The following EHBP1 variants were observed in gnomAD, a reference collection of about 807,000 sequenced individuals.
EHBP1 encodes the protein EH domain binding protein 1.
EHBP1 carries 55 observed loss-of-function variants against 144.0 expected under a neutral mutation model. That is an observed-to-expected ratio of 0.38 (90% CI 0.31 to 0.48). EHBP1 has a LOEUF of 0.48. Ranked by LOEUF, EHBP1 falls within the 20% of genes least tolerant of loss-of-function variation. EHBP1 has a pLI of 0.98. For synonymous variants in EHBP1, 469 were observed against 472.7 expected (o/e 0.99, Z 0.10); for missense variants, 1,200 against 1,364.2 (o/e 0.88, Z 1.90).
intron 2 of EHBP1, among the ~76,000 whole-genome samples, chr2:62,744,517 C>T (rs1031291514): frequency 6.6e-6 from 1 of 152,084 alleles, no homozygotes; most frequent in Non-Finnish European, 1.5e-5. Context: ...TATTTTAGAA[C>T]ACTGCCTCAG....
chr2:62,698,313 T>C (rs2034170509), intron 1 of EHBP1, among the ~76,000 whole-genome samples: 1 of 152,208 alleles, frequency 6.6e-6, no homozygotes, highest in African/African-American at 2.4e-5. Flanking sequence ...TTTTCCACAC[T>C]GAAGTATGCT....
chr2:62,902,567 T>A (rs2053500168), intron 10 of EHBP1, among the ~76,000 whole-genome samples: 1 of 152,116 alleles, frequency 6.6e-6, no homozygotes, highest in Non-Finnish European at 1.5e-5. Context: ...TAAAGGGGTA[T>A]CGTTAGGAAA....
chr2:62,824,505 A>G (rs1160340712), intron 5 of EHBP1, among the ~76,000 whole-genome samples: 1 of 151,976 alleles, frequency 6.6e-6, no homozygotes, highest in Admixed American at 6.6e-5. Context: ...TCTTTGATTG[A>G]CAGTAGCAAC....
intron 10 of EHBP1, among the ~76,000 whole-genome samples, chr2:62,914,515 T>G (rs2054459002): frequency 1.3e-5 from 2 of 152,092 alleles, no homozygotes; most frequent in African/African-American, 4.8e-5. Context: ...GGTTTTATTT[T>G]GAAATGTATA....
intron 1 of EHBP1, among the ~76,000 whole-genome samples, chr2:62,692,385 G>T (rs2033936435): frequency 6.6e-6 from 1 of 152,100 alleles, no homozygotes; most frequent in Admixed American, 6.5e-5. Flanking sequence ...CTTCTCTTTG[G>T]TATTTACCTA....
intron 10 of EHBP1, among the ~76,000 whole-genome samples, chr2:62,896,275 C>T (rs1010434736): frequency 2.0e-5 from 3 of 151,854 alleles, no homozygotes; most frequent in Non-Finnish European, 2.9e-5. Context: ...TTTAAAGAAT[C>T]GAAAAAAGGC....
chr2:63,016,127 A>G (rs559052565), intron 19 of EHBP1, among the ~76,000 whole-genome samples: 4 of 152,194 alleles, frequency 2.6e-5, no homozygotes, highest in Non-Finnish European at 4.4e-5. Flanking sequence ...TTTATATCTG[A>G]AAATTTTCTA....
chr2:62,879,553 A>ACACG (rs2051197687), intron 10 of EHBP1, among the ~76,000 whole-genome samples: 1 of 138,188 alleles, frequency 7.2e-6, no homozygotes, highest in African/African-American at 2.8e-5. Flanking sequence ...AATAACACAC[A>ACACG]CACACACACA....
chr2:62,917,398 A>ACAT lies in EHBP1; in HGVS notation c.1186-25319_1186-25317dup, dbSNP rs371262497. Among the ~76,000 whole-genome samples the ACAT allele has an allele frequency of 7.7e-4, 117 of 152,228 alleles. 1 individual carries two copies. The highest frequency in any genetic ancestry group is 2.5e-3 in the South Asian group (12 of 4,824). ...TATATGTAATCTGTCATTGACTGAA[A>ACAT]CATTATGCAGTACGTGACTATGTAT... is the stretch of plus-strand genomic sequence containing the variant. On this transcript the variant is annotated intron_variant, in intron 10 of 22. Coordinates refer to ENST00000431489, the MANE Select transcript of EHBP1 (RefSeq NM_001142616.3).
intron 6 of EHBP1, among the ~76,000 whole-genome samples, chr2:62,830,616 G>T (rs1260809662): frequency 2.0e-5 from 3 of 152,130 alleles, no homozygotes; most frequent in Non-Finnish European, 4.4e-5. Flanking sequence ...CTCTGCTGAT[G>T]ATTTCTTTTG....
rs1256054771 is a variant in EHBP1, at chr2:62,919,457, C to A, written c.1186-23261C>A. ...AGACCTGAGATGATTTTAGTTTGTA[C>A]CTCAGACTAATCCTCAGTACAGGAA... On this transcript the variant is annotated intron_variant, in intron 10 of 22. Transcript: ENST00000431489. 2.0e-5 allele frequency among the ~76,000 whole-genome samples: 3 copies of A among 152,102 alleles called. 1 individual carries two copies. Among genetic ancestry groups the A allele is most frequent in the Non-Finnish European group, 4.4e-5 (3 of 68,008 alleles).
intron 7 of EHBP1, among the ~76,000 whole-genome samples, chr2:62,850,977 G>C (rs1201715172): frequency 2.0e-5 from 3 of 152,164 alleles, no homozygotes; most frequent in Non-Finnish European, 4.4e-5. Flanking sequence ...TAATAGCCCA[G>C]TCTCAGTTGC....
intron 7 of EHBP1, among the ~76,000 whole-genome samples, chr2:62,835,068 C>T (rs1034894583): frequency 1.3e-5 from 2 of 152,128 alleles, no homozygotes; most frequent in Non-Finnish European, 2.9e-5. Flanking sequence ...TTTAATGCCT[C>T]TTGCCTTGAA....
chr2:62,996,594 G>A (rs1000463324), intron 18 of EHBP1, 49 bp from the exon 19 acceptor site: 33 of 1,609,574 alleles, frequency 2.1e-5, no homozygotes, highest in Non-Finnish European at 2.7e-5. Flanking sequence ...AAGGAAAAAT[G>A]CAACTTACAA....
chr2:62,715,793 G>A (rs1012850499), intron 2 of EHBP1, among the ~76,000 whole-genome samples: 9 of 152,236 alleles, frequency 5.9e-5, no homozygotes, highest in African/African-American at 1.9e-4. Flanking sequence ...TCATCAGGTT[G>A]CTTCCAGCCA....
intron 21 of EHBP1, chr2:63,043,990 C>T (rs748176577): frequency 1.0e-5 from 1 of 96,494 alleles, no homozygotes; most frequent in Non-Finnish European, 1.9e-5. Flanking sequence ...GTCCTGTTTC[C>T]CTCTAGGTCC....
intron 5 of EHBP1, among the ~76,000 whole-genome samples, chr2:62,791,826 C>A (rs954472080): frequency 6.6e-6 from 1 of 151,738 alleles, no homozygotes; most frequent in Non-Finnish European, 1.5e-5. Context: ...GAATACTGCC[C>A]AAATGTTATT....
chr2:62,907,040 T>C (rs1327910998), intron 10 of EHBP1, among the ~76,000 whole-genome samples: 1 of 152,206 alleles, frequency 6.6e-6, no homozygotes, highest in Non-Finnish European at 1.5e-5. Context: ...ACCACTCACC[T>C]GTTGAAGGAC....
In EHBP1 at chr2:62,831,112, T is replaced by C; in HGVS notation, c.588T>C (p.Asp196=). 6.2e-7 allele frequency: 1 copy of C among 1,609,902 alleles called. No individual in the cohort carries two copies. The highest frequency in any genetic ancestry group is 8.5e-7 in the Non-Finnish European group (1 of 1,178,788). ...LDDFEEDNED[D]DENRVNQEEK... ...ACTTCGAAGAAGATAATGAAGATGA[T>C]GATGAGAACAGAGTGAACCAAGAAG... is the stretch of plus-strand genomic sequence containing the variant. Residue 196 remains aspartate, a synonymous_variant, in exon 7 of 23, where the codon GAT becomes GAC. Coordinates refer to ENST00000431489, the MANE Select transcript of EHBP1 (RefSeq NM_001142616.3).
Sources: gnomAD v4.1 joint callset for allele counts (sites outside exome capture counted in the v4.1 genomes callset) on GRCh38, gnomAD v4.1.1 for gene constraint, MANE v1.5 for transcripts, NCBI Gene and HGNC (gene_info 2026-07-23, HGNC 2026-07-21) for gene names.